The following MYOM3 variants were observed in gnomAD, a reference collection of about 807,000 sequenced individuals.
MYOM3 encodes myomesin-3.
In MYOM3, 155 loss-of-function variants were observed where a neutral mutation model predicts 191.7. That is an observed-to-expected ratio of 0.81 (90% CI 0.71 to 0.92). The LOEUF (loss-of-function observed/expected upper bound fraction) is 0.92, where lower values mean the gene tolerates loss of function less well. MYOM3 is among the 40% of genes least tolerant of loss of function. The probability of loss-of-function intolerance (pLI) is 0.00; values close to 1 mark genes in which losing one functional copy is unlikely to be tolerated. For missense variants in MYOM3, 1,889 were observed against 1,890.6 expected (o/e 1.00, Z 0.02); for synonymous variants, 757 against 762.9 (o/e 0.99, Z 0.13).
chr1:24,103,708 G>A (rs140903144), intron 5 of MYOM3, among the ~76,000 whole-genome samples: 280 of 152,292 alleles, frequency 1.8e-3, no homozygotes, highest in Non-Finnish European at 3.0e-3. Context: ...AACTCAAGTT[G>A]TAAAACACGT....
Position 24,106,004 on chromosome 1 carries a change from G to A in MYOM3, c.476C>T (p.Pro159Leu). ...CTCCCAGACGGCGTGGGAGCGAAGA[G>A]GGATCCAGAACCAGGGCCCGCGGCC... ...CYGRGPWFWI[P>L]LRSHAVWEHT... The change falls in exon 5 of 37, where the codon CCT becomes CTT. Residue 159 changes from proline to leucine, a missense_variant. Transcript: ENST00000374434. The A allele has an allele frequency of 6.2e-7, 1 of 1,614,036 alleles. No individual in the cohort carries two copies. The highest frequency in any genetic ancestry group is 8.5e-7 in the Non-Finnish European group (1 of 1,180,008).
intron 5 of MYOM3, among the ~76,000 whole-genome samples, chr1:24,105,291 T>G (rs1193749301): frequency 3.3e-5 from 5 of 152,232 alleles, no homozygotes; most frequent in Non-Finnish European, 7.3e-5. Flanking sequence ...CCAGGCAGTT[T>G]AAGAGGCATG....
At chr1:24,091,300 G>C (rs895289791) in intron 11 of MYOM3, among the ~76,000 whole-genome samples, 1 of 152,110 alleles carries the variant, frequency 6.6e-6, no homozygotes, top group Non-Finnish European at 1.5e-5. Context: ...GGGCACGTGT[G>C]GTCACCTTCA....
At chr1:24,085,021 C>T (rs1643718454) in intron 15 of MYOM3, among the ~76,000 whole-genome samples, 4 of 152,112 alleles carry the variant, frequency 2.6e-5, no homozygotes, top group Admixed American at 2.6e-4. Context: ...TGAAACTAAG[C>T]TTTTTGAGAT....
intron 27 of MYOM3, 107 bp from the exon 28 acceptor site, chr1:24,067,195 T>C: frequency 9.3e-7 from 1 of 1,077,704 alleles, no homozygotes; most frequent in East Asian, 2.7e-5. Context: ...GGCTATGGAC[T>C]TCTCAGATGC....
At chr1:24,096,904 A>G (rs1428179368) in intron 7 of MYOM3, among the ~76,000 whole-genome samples, 2 of 152,138 alleles carry the variant, frequency 1.3e-5, no homozygotes, top group African/African-American at 4.8e-5. Context: ...CATCTCATTT[A>G]ATCAACTCGG....
chr1:24,104,015 C>T (rs1643961740), intron 5 of MYOM3, among the ~76,000 whole-genome samples: 1 of 152,128 alleles, frequency 6.6e-6, no homozygotes, highest in African/African-American at 2.4e-5. Flanking sequence ...AAGAGTTATG[C>T]GCTTAGAGGC....
chr1:24,084,005 G>A (rs773904733), intron 16 of MYOM3: 2 of 173,816 alleles, frequency 1.2e-5, no homozygotes, highest in African/African-American at 4.8e-5. Context: ...TGAAATGCTG[G>A]GCTTCATTAT....
chr1:24,108,577 C>T lies in MYOM3; in HGVS notation c.60G>A (p.Glu20=). The T allele has an allele frequency of 6.3e-7, 1 of 1,574,910 alleles. No individual in the cohort carries two copies. Among genetic ancestry groups the T allele is most frequent in the Non-Finnish European group, 8.6e-7 (1 of 1,161,446 alleles). Residue 20 remains glutamate (E), a synonymous_variant, in exon 2 of 37, where the codon GAG becomes GAA. Coordinates refer to ENST00000374434, the MANE Select transcript of MYOM3 (RefSeq NM_152372.4). Reference sequence around the variant, plus strand: ...CCTGCCGGTGCTCCAGCCTGTGAACCTCCATGGCCTGGGGGGGCCGGGGGT... The same window carrying T: ...CCTGCCGGTGCTCCAGCCTGTGAACTTCCATGGCCTGGGGGGGCCGGGGGT... ...AGDPRPPQAM[E]VHRLEHRQEE... is the part of the protein sequence containing the mutation.
intron 18 of MYOM3, chr1:24,081,694 C>T (rs1643671835): frequency 8.4e-6 from 5 of 594,650 alleles, no homozygotes; most frequent in Non-Finnish European, 1.5e-5. Context: ...TCTCGAGTAG[C>T]CAGGACTACA....
chr1:24,071,542 A>G (rs1308409924), intron 24 of MYOM3, among the ~76,000 whole-genome samples: 1 of 151,944 alleles, frequency 6.6e-6, no homozygotes, highest in African/African-American at 2.4e-5. Flanking sequence ...TCTGGGCTCC[A>G]CCCTCAGAGA....
chr1:24,108,350 C>G, intron 2 of MYOM3, 126 bp downstream of exon 2: 1 of 1,091,502 alleles, frequency 9.2e-7, no homozygotes, highest in Non-Finnish European at 1.3e-6. Context: ...ACAGGGGGTT[C>G]AGAAAGCAGG....
In MYOM3 at chr1:24,087,556, C is replaced by T. The variant is rs1643765171; in HGVS notation, c.1615-729G>A. The stretch of plus-strand genomic sequence containing the variant: ...CAAGTCCCACCTCTGGGCCTTTGCA[C>T]TTGCTGGTCCCTCAGCCTGGAATGT... On this transcript the variant is annotated intron_variant, in intron 14 of 36. Coordinates refer to ENST00000374434, the MANE Select transcript of MYOM3 (RefSeq NM_152372.4). This position sits in a 1 kb window ranked among gnomAD's most constrained non-coding sequence, Gnocchi z 4.5. 6.6e-6 allele frequency among the ~76,000 whole-genome samples: 1 copy of T among 152,324 alleles called. No homozygotes were observed. The highest frequency in any genetic ancestry group is 6.5e-5 in the Admixed American group (1 of 15,310).
intron 23 of MYOM3, 62 bp downstream of exon 23, chr1:24,074,098 G>T: frequency 1.5e-6 from 2 of 1,364,646 alleles, no homozygotes; most frequent in Non-Finnish European, 2.1e-6. Context: ...TGACCTGTGT[G>T]GGCATTTGTG....
intron 29 of MYOM3, 23 bp from the exon 30 acceptor site, chr1:24,064,182 G>A (rs771769189): frequency 3.1e-6 from 5 of 1,594,804 alleles, no homozygotes; most frequent in Non-Finnish European, 4.3e-6. Flanking sequence ...ATGAGCGATG[G>A]TGGTGTCAGC....
At chr1:24,101,737 G>C (rs776261235) in intron 5 of MYOM3, among the ~76,000 whole-genome samples, 1 of 152,180 alleles carries the variant, frequency 6.6e-6, no homozygotes, top group Non-Finnish European at 1.5e-5. Context: ...GGGTGATAGA[G>C]CAAGACCCTG....
chr1:24,071,043 G>A (rs1643524589), intron 25 of MYOM3, 74 bp downstream of exon 25: 1 of 1,552,684 alleles, frequency 6.4e-7, no homozygotes, highest in African/African-American at 1.4e-5. Flanking sequence ...ACCAGCCCAT[G>A]CGGAATCACC....
chr1:24,072,194 T>C (rs1557604719), intron 23 of MYOM3, among the ~76,000 whole-genome samples, 181 bp from the exon 24 acceptor site: 1 of 152,228 alleles, frequency 6.6e-6, no homozygotes, highest in African/African-American at 2.4e-5. Context: ...GCCTTTGCCC[T>C]GGGGCACTGA....
chr1:24,071,492 C>G (rs1643531637), intron 24 of MYOM3, among the ~76,000 whole-genome samples: 1 of 152,196 alleles, frequency 6.6e-6, no homozygotes, highest in African/African-American at 2.4e-5. Context: ...CTCAACCTGG[C>G]AGGGCATTGG....
Sources: gnomAD v4.1 joint callset for allele counts (sites outside exome capture counted in the v4.1 genomes callset) on GRCh38, gnomAD v4.1.1 for gene constraint, Gnocchi (gnomAD v3.1) non-coding constraint, MANE v1.5 for transcripts, NCBI Gene and HGNC (gene_info 2026-07-23, HGNC 2026-07-21) for gene names.